DOCK3: variants seen among roughly 807,000 people sequenced by gnomAD.
The protein encoded by DOCK3 is dedicator of cytokinesis protein 3.
Under a neutral mutation model 265.6 loss-of-function variants are expected in DOCK3, and 60 were observed. The ratio of observed to expected loss-of-function variants is 0.23; its 90% CI spans 0.18 to 0.28. The LOEUF is 0.28. Among genes scored for constraint, DOCK3 ranks in the 10% least tolerant of loss-of-function variants. The pLI, the probability that DOCK3 is intolerant of heterozygous loss-of-function variation, is 1.00. For missense variants in DOCK3, 1,981 were observed against 2,594.3 expected, an observed-to-expected ratio of 0.76 and a Z score of 5.14; for synonymous variants, 881 against 938.0, an observed-to-expected ratio of 0.94 and a Z score of 1.11.
intron 21 of DOCK3, among the ~76,000 whole-genome samples, chr3:51,245,421 T>C (rs994402270): frequency 2.0e-5 from 3 of 146,402 alleles, no homozygotes; most frequent in Admixed American, 6.9e-5. Flanking sequence ...GACGGAGTCT[T>C]GCACTGTCGC....
chr3:50,817,242 A>G (rs1298446679), intron 2 of DOCK3, among the ~76,000 whole-genome samples: 1 of 152,214 alleles, frequency 6.6e-6, no homozygotes, highest in Non-Finnish European at 1.5e-5. Context: ...ATTTTGTGTT[A>G]ACCTCCTATC....
chr3:50,877,250 C>CT, intron 3 of DOCK3: 1 of 343,210 alleles, frequency 2.9e-6, no homozygotes, highest in South Asian at 2.3e-5. Context: ...CTTCTTAACC[C>CT]TTTTTATTCT....
intron 3 of DOCK3, among the ~76,000 whole-genome samples, chr3:50,865,605 A>G (rs1270272822): frequency 1.3e-5 from 2 of 152,202 alleles, no homozygotes; most frequent in South Asian, 2.1e-4. Context: ...CAGTGCTGCA[A>G]CAAACATGGG....
chr3:50,736,864 T>A (rs1350816496), intron 1 of DOCK3, among the ~76,000 whole-genome samples: 1 of 151,698 alleles, frequency 6.6e-6, no homozygotes, highest in Non-Finnish European at 1.5e-5. Context: ...GCCCGGCTAA[T>A]TTTTTGTATT....
chr3:50,724,330 A>C (rs1413417307), intron 1 of DOCK3, among the ~76,000 whole-genome samples: 1 of 152,322 alleles, frequency 6.6e-6, no homozygotes, highest in African/African-American at 2.4e-5. Context: ...TTGACCCAGC[A>C]GTCCCATTAC....
At chr3:51,111,248 A>G (rs928610090) in intron 9 of DOCK3, among the ~76,000 whole-genome samples, 3 of 152,214 alleles carry the variant, frequency 2.0e-5, no homozygotes, top group African/African-American at 7.2e-5. Flanking sequence ...TAGAATAGCC[A>G]AGGCAATCCT....
rs572312758 is a variant in DOCK3 at position 51,265,816 on chromosome 3, T to C, written c.2356-4999T>C. ...ACAAGGATGCCCTCTCTCACACTCC[T>C]ATTCAACATAGTATTGGAAGTTCTG... On this transcript the variant is annotated intron_variant, in intron 23 of 52. Transcript: ENST00000266037. Among the ~76,000 whole-genome samples the C allele has an allele frequency of 7.9e-5, 12 of 152,262 alleles. No individual in the cohort carries two copies. In the South Asian group the frequency reaches 1.9e-3, roughly 24 times the overall value.
intron 4 of DOCK3, among the ~76,000 whole-genome samples, chr3:50,901,337 G>T (rs2049184315): frequency 6.6e-6 from 1 of 152,120 alleles, no homozygotes; most frequent in Middle Eastern, 3.2e-3. Flanking sequence ...CCAAGCTCGA[G>T]TGTCCCAGGT....
intron 4 of DOCK3, among the ~76,000 whole-genome samples, chr3:50,906,574 A>T (rs2049513677): frequency 6.6e-6 from 1 of 151,872 alleles, no homozygotes; most frequent in African/African-American, 2.4e-5. Flanking sequence ...GTATTCTCTG[A>T]TGGTAGTTTG....
chr3:51,045,519 A>G (rs1037534623), intron 5 of DOCK3, among the ~76,000 whole-genome samples: 2 of 152,210 alleles, frequency 1.3e-5, no homozygotes, highest in Non-Finnish European at 2.9e-5. Flanking sequence ...ATGCCCTTGG[A>G]ACAATGGAGC....
At chr3:51,304,171 G>A (rs779712073) in intron 27 of DOCK3, among the ~76,000 whole-genome samples, 1 of 152,126 alleles carries the variant, frequency 6.6e-6, no homozygotes, top group African/African-American at 2.4e-5. Context: ...GTCAGGGTCC[G>A]ACCTAAAGTG....
intron 3 of DOCK3, among the ~76,000 whole-genome samples, chr3:50,869,717 C>CTG (rs62717061): frequency 6.6e-6 from 1 of 151,968 alleles, no homozygotes; most frequent in Admixed American, 6.6e-5. Context: ...TTGATTTGCT[C>CTG]GCTTTGCTAG....
At chr3:50,679,051 G>T (rs2034196298) in intron 1 of DOCK3, among the ~76,000 whole-genome samples, 1 of 152,176 alleles carries the variant, frequency 6.6e-6, no homozygotes, top group South Asian at 2.1e-4. Context: ...CTGACCTTGT[G>T]ATCCGCTCGC....
At chr3:51,026,778 T>C (rs1447990035) in intron 5 of DOCK3, among the ~76,000 whole-genome samples, 2 of 152,160 alleles carry the variant, frequency 1.3e-5, no homozygotes, top group Non-Finnish European at 2.9e-5. Flanking sequence ...CATAGAGATT[T>C]TTGCAGTTAT....
At chr3:51,275,325 A>T in intron 25 of DOCK3, 119 bp downstream of exon 25, 4 of 1,459,232 alleles carry the variant, frequency 2.7e-6, no homozygotes, top group Non-Finnish European at 3.7e-6. Flanking sequence ...TGCTTTCATC[A>T]GTGACAGGAA....
chr3:51,169,352 G>T (rs751325048), intron 12 of DOCK3, among the ~76,000 whole-genome samples: 1 of 152,074 alleles, frequency 6.6e-6, no homozygotes, highest in East Asian at 1.9e-4. Context: ...CCCATCAATG[G>T]TAGACTGCAT....
chr3:51,341,682 A>G (rs779877844), intron 38 of DOCK3, among the ~76,000 whole-genome samples: 5 of 152,188 alleles, frequency 3.3e-5, no homozygotes, highest in Non-Finnish European at 4.4e-5. Flanking sequence ...GGCTTCTGGA[A>G]CCCTGTTTGT....
chr3:50,741,579 C>T (rs1278513660), intron 1 of DOCK3, among the ~76,000 whole-genome samples: 1 of 151,228 alleles, frequency 6.6e-6, no homozygotes, highest in Non-Finnish European at 1.5e-5. Context: ...CCAGTTTCAT[C>T]CATGTCCCTA....
chr3:51,281,297 A>ATATATATATATATATATATATG (rs889323835), intron 27 of DOCK3, among the ~76,000 whole-genome samples: 15 of 136,712 alleles, frequency 1.1e-4, no homozygotes, highest in African/African-American at 4.3e-4. Context: ...ATATATATAT[A>ATATATATATATATATATATATG]TATATATATC....
Sources: allele counts gnomAD v4.1 joint callset (sites outside exome capture counted in the v4.1 genomes callset), GRCh38; gene constraint gnomAD v4.1.1; transcripts MANE v1.5; gene names NCBI Gene and HGNC (gene_info 2026-07-23, HGNC 2026-07-21).